SUSD1: variants seen among roughly 807,000 people sequenced by gnomAD.
SUSD1 encodes sushi domain containing 1.
Under a neutral mutation model 86.9 loss-of-function variants are expected in SUSD1, and 65 were observed. The ratio of observed to expected loss-of-function variants is 0.75; its 90% CI spans 0.61 to 0.92. The LOEUF is 0.92. SUSD1 is among the 40% of genes least tolerant of loss of function. The probability of loss-of-function intolerance (pLI) is 0.00; values close to 1 mark genes in which losing one functional copy is unlikely to be tolerated. For missense variants in SUSD1, 850 were observed against 929.7 expected (o/e 0.91, Z 1.11); for synonymous variants, 346 against 350.0 (o/e 0.99, Z 0.13).
At chr9:112,149,792 G>C (rs1832966372) in intron 2 of SUSD1, among the ~76,000 whole-genome samples, 1 of 152,166 alleles carries the variant, frequency 6.6e-6, no homozygotes, top group African/African-American at 2.4e-5. Flanking sequence ...CCAGGGTAGG[G>C]TGACTTTACA....
intron 1 of SUSD1, among the ~76,000 whole-genome samples, chr9:112,160,645 G>A (rs895923460): frequency 2.6e-5 from 4 of 152,152 alleles, no homozygotes; most frequent in Admixed American, 2.0e-4. Flanking sequence ...CCAGGAGTTT[G>A]AGACTAATCC....
intron 14 of SUSD1, among the ~76,000 whole-genome samples, chr9:112,054,870 G>A (rs912241523): frequency 8.5e-5 from 13 of 152,190 alleles, no homozygotes; most frequent in African/African-American, 3.1e-4. Context: ...TGCATCTAAG[G>A]ACACTATGTA....
chr9:112,110,432 C>G (rs10817264), intron 8 of SUSD1, among the ~76,000 whole-genome samples: 3 of 151,722 alleles, frequency 2.0e-5, no homozygotes, highest in Non-Finnish European at 4.4e-5. Flanking sequence ...GGTCTTGCCC[C>G]GTCACCCAGG....
intron 12 of SUSD1, among the ~76,000 whole-genome samples, chr9:112,069,020 A>C (rs1301666875): frequency 6.6e-6 from 1 of 152,162 alleles, no homozygotes. Context: ...TCCAGCAGGC[A>C]GTTAGAAACA....
intron 6 of SUSD1, among the ~76,000 whole-genome samples, chr9:112,116,488 G>C (rs1303667603): frequency 6.6e-6 from 1 of 152,178 alleles, no homozygotes; most frequent in Non-Finnish European, 1.5e-5. Context: ...AACATTTCTG[G>C]AAGTCCTCTT....
In SUSD1 at chr9:112,041,219, C is replaced by T; in HGVS notation, c.*273G>A. On this transcript the variant is annotated 3_prime_UTR_variant, in exon 17 of 17. Transcript: ENST00000374270. Reference sequence around the variant, plus strand: ...TCTGTATGTAGCCTTCGGTCAATATCACAGTGTACATCAGGAGTCTCAAGT... The same window carrying T: ...TCTGTATGTAGCCTTCGGTCAATATTACAGTGTACATCAGGAGTCTCAAGT... 1 of 589,526 alleles carries T rather than the reference C, an allele frequency of 1.7e-6. No homozygotes were observed. Among genetic ancestry groups the T allele is most frequent in the East Asian group, 2.8e-5 (1 of 36,172 alleles). The allele number at this position is 589,526 out of a possible 1,614,324, so 36.5% of individuals were successfully genotyped here. A position where few individuals can be genotyped will look rare whatever the true frequency, so the allele number is the denominator to read the frequency against.
chr9:112,100,908 T>A (rs1830608393), intron 9 of SUSD1, among the ~76,000 whole-genome samples: 1 of 137,346 alleles, frequency 7.3e-6, no homozygotes, highest in South Asian at 2.3e-4. Context: ...TCTCTATTTT[T>A]ATACTTATTT....
intron 1 of SUSD1, among the ~76,000 whole-genome samples, chr9:112,161,513 A>G (rs748953419): frequency 1.3e-5 from 2 of 151,740 alleles, no homozygotes; most frequent in Non-Finnish European, 1.5e-5. Flanking sequence ...ATTCTCCCCA[A>G]TTTAATTTGT....
At chr9:112,134,085 G>A (rs1589702961) in intron 5 of SUSD1, among the ~76,000 whole-genome samples, 1 of 152,118 alleles carries the variant, frequency 6.6e-6, no homozygotes, top group East Asian at 1.9e-4. Context: ...TAAGGCTACA[G>A]AGAAAAGGGA....
intron 12 of SUSD1, among the ~76,000 whole-genome samples, chr9:112,065,637 C>G (rs1025370955): frequency 1.3e-5 from 2 of 152,212 alleles, no homozygotes; most frequent in African/African-American, 4.8e-5. Flanking sequence ...CCCAGTGTGG[C>G]TCACATCAGA....
At chr9:112,119,328 T>A (rs1488591520) in intron 6 of SUSD1, among the ~76,000 whole-genome samples, 1 of 152,172 alleles carries the variant, frequency 6.6e-6, no homozygotes, top group Non-Finnish European at 1.5e-5. Flanking sequence ...TATGTAAATG[T>A]ATCCATTTAT....
At chr9:112,111,536 G>T in intron 8 of SUSD1, 118 bp downstream of exon 8, 1 of 1,324,126 alleles carries the variant, frequency 7.6e-7, no homozygotes, top group Non-Finnish European at 1.0e-6. Flanking sequence ...AACTACATCT[G>T]AGTATAAATC....
At position 112,095,173 on chromosome 9, in the gene SUSD1, G is replaced by A. The variant is rs531412830; in HGVS notation, c.1474+3297C>T. 3.8e-4 allele frequency among the ~76,000 whole-genome samples: 58 copies of A among 152,242 alleles called. 1 individual carries two copies. In the South Asian group the frequency reaches 9.1e-3, roughly 24 times the overall value. On this transcript the variant is annotated intron_variant, in intron 10 of 16. Transcript: ENST00000374270. ...ATCATTCTTTCTCTACAGAGACCTC[G>A]GAGGCAGATTCCAAAGTAATATGTG...
intron 10 of SUSD1, among the ~76,000 whole-genome samples, chr9:112,094,572 T>G (rs1218025593): frequency 3.3e-5 from 5 of 152,138 alleles, no homozygotes; most frequent in African/African-American, 1.2e-4. Context: ...GAAATGAGAT[T>G]TTCCCCATCT....
In SUSD1 at chr9:112,142,310, G is replaced by T. The variant is rs1832610094; in HGVS notation, c.706+10C>A. ...TATGAATTGGGAACCTGTATTTTTT[G>T]AAAACTCACCTTGGCAATGTAATTT... On this transcript the variant is annotated intron_variant, in intron 5 of 16. Transcript: ENST00000374270. 2.0e-6 allele frequency: 3 copies of T among 1,529,582 alleles called. No individual in the cohort carries two copies. Among genetic ancestry groups the T allele is most frequent in the Non-Finnish European group, 2.6e-6 (3 of 1,140,394 alleles). 94.8% of individuals were successfully genotyped at this position (1,529,582 alleles called of 1,614,324 possible).
At chr9:112,059,265 A>G (rs567241808) in intron 13 of SUSD1, among the ~76,000 whole-genome samples, 70 of 152,366 alleles carry the variant, frequency 4.6e-4, no homozygotes, top group African/African-American at 1.6e-3. Flanking sequence ...GGCTGCAGAG[A>G]GATGCCAAGT....
At chr9:112,078,885 C>T (rs1317859952) in intron 11 of SUSD1, among the ~76,000 whole-genome samples, 161 bp from the exon 12 acceptor site, 1 of 147,892 alleles carries the variant, frequency 6.8e-6, no homozygotes, top group African/African-American at 2.6e-5. Flanking sequence ...ATGACCTCGG[C>T]TCACTGCAGC....
At chr9:112,078,448 G>T in intron 12 of SUSD1, 90 bp downstream of exon 12, 1 of 1,308,800 alleles carries the variant, frequency 7.6e-7, no homozygotes. Context: ...ATTATATAAT[G>T]ATAAAAAGCA....
intron 6 of SUSD1, among the ~76,000 whole-genome samples, chr9:112,121,128 C>T (rs56097353): frequency 0.16 from 24,187 of 152,208 alleles, 2,411 homozygotes; most frequent in Non-Finnish European, 0.23. Flanking sequence ...GTCAGTTACA[C>T]GTTTGCCCTT....
Sources: gnomAD v4.1 joint callset for allele counts (sites outside exome capture counted in the v4.1 genomes callset) on GRCh38, gnomAD v4.1.1 for gene constraint, MANE v1.5 for transcripts, NCBI Gene and HGNC (gene_info 2026-07-23, HGNC 2026-07-21) for gene names.